Variants in MBD5 observed in about 807,000 individuals in gnomAD.
MBD5 encodes the protein methyl-CpG binding domain protein 5.
In MBD5, 13 loss-of-function variants were observed where a neutral mutation model predicts 117.3. That is an observed-to-expected ratio of 0.11 (90% confidence interval 0.07 to 0.18). The LOEUF is 0.18. MBD5 is among the 10% of genes least tolerant of loss of function. MBD5 has a pLI of 1.00. For missense variants in MBD5, 1,879 were observed against 2,093.8 expected (o/e 0.90, Z 2.00); for synonymous variants, 727 against 766.4 (o/e 0.95, Z 0.85).
intron 1 of MBD5, among the ~76,000 whole-genome samples, chr2:148,023,766 CT>C (rs560077149): frequency 1.1e-3 from 153 of 144,444 alleles, no homozygotes; most frequent in Admixed American, 1.3e-3. Flanking sequence ...TATTTTGTTT[CT>C]TTTTTTTTTT....
intron 4 of MBD5, among the ~76,000 whole-genome samples, chr2:148,435,211 A>G (rs184220559): frequency 2.0e-5 from 3 of 152,206 alleles, no homozygotes; most frequent in Admixed American, 1.3e-4. Context: ...TTGCTTCTTT[A>G]TCTAGCTTGC....
At chr2:148,203,389 A>AAAT (rs1383315437) in intron 2 of MBD5, among the ~76,000 whole-genome samples, 6 of 152,142 alleles carry the variant, frequency 3.9e-5, no homozygotes, top group African/African-American at 1.4e-4. Context: ...TGTAAAAATA[A>AAAT]TTTTCCACCC....
intron 12 of MBD5, 104 bp downstream of exon 12, chr2:148,502,613 C>A: frequency 8.8e-7 from 1 of 1,134,478 alleles, no homozygotes; most frequent in Non-Finnish European, 1.3e-6. Flanking sequence ...ACGCTGTGGC[C>A]TGCCTAAGTG....
At chr2:148,351,924 G>A (rs527309041) in intron 4 of MBD5, among the ~76,000 whole-genome samples, 45 of 152,178 alleles carry the variant, frequency 3.0e-4, no homozygotes, top group African/African-American at 1.1e-3. Context: ...CAACCTATGT[G>A]TTTAGTGTAG....
chr2:148,335,781 C>T (rs1181861683), intron 3 of MBD5, among the ~76,000 whole-genome samples: 1 of 151,832 alleles, frequency 6.6e-6, no homozygotes, highest in African/African-American at 2.4e-5. Flanking sequence ...GAAGATAGGT[C>T]CACCCACCAT....
intron 3 of MBD5, among the ~76,000 whole-genome samples, chr2:148,322,093 G>A (rs574625464): frequency 3.7e-4 from 57 of 152,076 alleles, no homozygotes; most frequent in South Asian, 1.0e-3. Context: ...GTTCTTCCTC[G>A]CTCTGGAGAA....
intron 1 of MBD5, among the ~76,000 whole-genome samples, chr2:148,170,144 G>A (rs1202501295): frequency 1.3e-5 from 2 of 152,156 alleles, no homozygotes; most frequent in Non-Finnish European, 2.9e-5. Flanking sequence ...TGATCTGCCC[G>A]TCTCGGCTTC....
chr2:148,315,256 C>T (rs867374384), intron 3 of MBD5, among the ~76,000 whole-genome samples: 10 of 152,132 alleles, frequency 6.6e-5, no homozygotes, highest in Admixed American at 3.9e-4. Context: ...ATCCCTCTTA[C>T]GGTCCCACAT....
chr2:148,504,049 T>G (rs1307701752), intron 12 of MBD5, among the ~76,000 whole-genome samples: 1 of 152,214 alleles, frequency 6.6e-6, no homozygotes, highest in Non-Finnish European at 1.5e-5. Context: ...GAGCTGTATT[T>G]TCCCCATGTA....
intron 2 of MBD5, among the ~76,000 whole-genome samples, chr2:148,184,325 T>A (rs1342392093): frequency 6.6e-6 from 1 of 152,160 alleles, no homozygotes; most frequent in East Asian, 1.9e-4. Flanking sequence ...TTTTTCTTTC[T>A]GAGTCTCCTG....
chr2:148,133,989 A>T (rs893098371), intron 1 of MBD5, among the ~76,000 whole-genome samples: 4 of 152,184 alleles, frequency 2.6e-5, no homozygotes, highest in Non-Finnish European at 4.4e-5. Flanking sequence ...TTTATTTGCC[A>T]GGATAATGAG....
chr2:148,028,266 A>G (rs1201073480), intron 1 of MBD5: 3 of 152,086 alleles, frequency 2.0e-5, no homozygotes, highest in Admixed American at 6.5e-5. Context: ...CAACCTTGAA[A>G]TGGTGAAAAG....
At chr2:148,382,822 C>T (rs1159886266) in intron 4 of MBD5, among the ~76,000 whole-genome samples, 1 of 152,010 alleles carries the variant, frequency 6.6e-6, no homozygotes, top group East Asian at 1.9e-4. Flanking sequence ...CGCTCAACTA[C>T]ATGGAAACTG....
At chr2:148,118,478 G>A (rs1333907331) in intron 1 of MBD5, among the ~76,000 whole-genome samples, 3 of 151,402 alleles carry the variant, frequency 2.0e-5, no homozygotes, top group African/African-American at 4.9e-5. Flanking sequence ...GAATGGTGGT[G>A]TACACCTCTA....
chr2:148,095,753 C>T (rs1160147345), intron 1 of MBD5, among the ~76,000 whole-genome samples: 2 of 150,684 alleles, frequency 1.3e-5, no homozygotes, highest in East Asian at 3.9e-4. Flanking sequence ...ACTTTTCTGG[C>T]TACCTTCATC....
intron 1 of MBD5, among the ~76,000 whole-genome samples, chr2:148,049,615 T>C (rs1694636031): frequency 6.6e-6 from 1 of 152,186 alleles, no homozygotes; most frequent in African/African-American, 2.4e-5. Flanking sequence ...TCCTTGGTTT[T>C]CAGCATATTC....
At chr2:148,413,807 G>C (rs981624606) in intron 4 of MBD5, among the ~76,000 whole-genome samples, 5 of 151,330 alleles carry the variant, frequency 3.3e-5, no homozygotes, top group African/African-American at 1.2e-4. Context: ...TGTGGAGTTG[G>C]TGGTAATGTC....
chr2:148,332,824 C>G (rs1448790111), intron 3 of MBD5, among the ~76,000 whole-genome samples: 1 of 152,064 alleles, frequency 6.6e-6, no homozygotes, highest in African/African-American at 2.4e-5. Context: ...AATTCATCTT[C>G]TTTAGTGCAG....
chr2:148,036,458 T>C (rs189006070), intron 1 of MBD5, among the ~76,000 whole-genome samples: 21 of 152,302 alleles, frequency 1.4e-4, no homozygotes, highest in African/African-American at 5.0e-4. Context: ...TTTGGATATA[T>C]CCTCTTACTT....
Sources: gnomAD v4.1 joint callset for allele counts (sites outside exome capture counted in the v4.1 genomes callset) on GRCh38, gnomAD v4.1.1 for gene constraint, MANE v1.5 for transcripts, NCBI Gene and HGNC (gene_info 2026-07-23, HGNC 2026-07-21) for gene names.